The following PCDHA11 variants were observed in gnomAD, a reference collection of about 807,000 sequenced individuals.
PCDHA11 encodes protocadherin alpha 11.
In PCDHA11, 61 loss-of-function variants were observed where a neutral mutation model predicts 70.3. That is an observed-to-expected ratio of 0.87 (90% CI 0.71 to 1.07). The LOEUF (loss-of-function observed/expected upper bound fraction) is 1.07. Among genes scored for constraint, PCDHA11 ranks in the 50% least tolerant of loss-of-function variants. The pLI is 0.00. For missense variants in PCDHA11, 1,324 were observed against 1,237.5 expected (o/e 1.07, Z -1.05); for synonymous variants, 633 against 555.1 (o/e 1.14, Z -1.97).
chr5:140,977,324 C>T (rs1035502087), intron 1 of PCDHA11, among the ~76,000 whole-genome samples: 5 of 152,102 alleles, frequency 3.3e-5, no homozygotes, highest in Non-Finnish European at 4.4e-5. Context: ...CTCCTGATGG[C>T]GAGGGGAGAG....
At chr5:141,006,993 T>A (rs1484865636) in intron 3 of PCDHA11, among the ~76,000 whole-genome samples, 5 of 152,290 alleles carry the variant, frequency 3.3e-5, no homozygotes, top group African/African-American at 4.8e-5. Flanking sequence ...GCTTAAAATA[T>A]AAGTCTGCAT....
At chr5:140,948,868 G>A (rs191976148) in intron 1 of PCDHA11, among the ~76,000 whole-genome samples, 20 of 151,330 alleles carry the variant, frequency 1.3e-4, no homozygotes, top group African/African-American at 4.8e-4. Context: ...ATTACTTCGG[G>A]TTTACTTTGC....
intron 1 of PCDHA11, chr5:140,966,383 C>T: frequency 2.5e-6 from 1 of 405,022 alleles, no homozygotes; most frequent in East Asian, 3.6e-5. Context: ...TCCGGGTTCG[C>T]TGTCCGCCAC....
rs782212784 is a variant in PCDHA11 at position 140,883,583 on chromosome 5, G to A, written c.2391+12089G>A. ...GGGCTCGCCTTCGCTGTGGGCCACGGCCAGCGTGTCGGTGGGGGTGGCCGA... is the reference window on the plus strand; with the variant it reads ...GGGCTCGCCTTCGCTGTGGGCCACGACCAGCGTGTCGGTGGGGGTGGCCGA... On this transcript the variant is annotated intron_variant, in intron 1 of 3. Coordinates refer to ENST00000398640, the MANE Select transcript of PCDHA11 (RefSeq NM_018902.5). The A allele has an allele frequency of 1.9e-5, 31 of 1,613,916 alleles. No individual in the cohort carries two copies. The African/African-American group carries it at 3.7e-4, about 19-fold the overall frequency.
chr5:140,996,293 A>T (rs1481852263), intron 3 of PCDHA11, among the ~76,000 whole-genome samples: 1 of 152,264 alleles, frequency 6.6e-6, no homozygotes, highest in African/African-American at 2.4e-5. Context: ...CAAGAAGCAC[A>T]GATTGTAACA....
intron 1 of PCDHA11, among the ~76,000 whole-genome samples, chr5:140,933,589 G>T (rs1369666636): frequency 8.6e-5 from 13 of 152,012 alleles, no homozygotes; most frequent in Non-Finnish European, 2.9e-5. Context: ...GGGTTTTTAG[G>T]TTGATTTGTC....
At chr5:140,967,066 C>A (rs782715200) in intron 1 of PCDHA11, 2 of 1,612,908 alleles carry the variant, frequency 1.2e-6, no homozygotes, top group Non-Finnish European at 1.7e-6. Context: ...GAGCGCTCTT[C>A]GTCAACGAGC....
At chr5:140,881,075 G>A (rs2058577107) in intron 1 of PCDHA11, among the ~76,000 whole-genome samples, 1 of 152,202 alleles carries the variant, frequency 6.6e-6, no homozygotes, top group African/African-American at 2.4e-5. Context: ...AATTATTGGA[G>A]CTATGATATA....
intron 1 of PCDHA11, among the ~76,000 whole-genome samples, chr5:140,938,952 C>G (rs1036829091): frequency 4.6e-5 from 7 of 152,104 alleles, no homozygotes; most frequent in South Asian, 2.1e-4. Flanking sequence ...TTATAATGCT[C>G]TAGTCGGAGT....
chr5:140,887,286 T>TG (rs1171397329), intron 1 of PCDHA11, among the ~76,000 whole-genome samples: 1 of 151,952 alleles, frequency 6.6e-6, no homozygotes, highest in Non-Finnish European at 1.5e-5. Context: ...TTAGTAGAGA[T>TG]GGGGTTTCAT....
chr5:140,915,488 C>T (rs2077146969), intron 1 of PCDHA11, among the ~76,000 whole-genome samples: 1 of 152,126 alleles, frequency 6.6e-6, no homozygotes, highest in Non-Finnish European at 1.5e-5. Flanking sequence ...GGGCCTCAAT[C>T]CCAATAATAC....
chr5:140,884,385 C>T (rs1554181508), intron 1 of PCDHA11: 1 of 1,613,992 alleles, frequency 6.2e-7, no homozygotes, highest in Non-Finnish European at 8.5e-7. Context: ...GCCATCTGCG[C>T]GGTGTCCAGC....
At chr5:140,948,979 G>T (rs2094330965) in intron 1 of PCDHA11, among the ~76,000 whole-genome samples, 1 of 151,514 alleles carries the variant, frequency 6.6e-6, no homozygotes, top group South Asian at 2.1e-4. Flanking sequence ...AGTATGAACT[G>T]CTTTATTTGC....
chr5:140,882,485 G>C, intron 1 of PCDHA11: 3 of 1,614,106 alleles, frequency 1.9e-6, no homozygotes, highest in Non-Finnish European at 2.5e-6. Flanking sequence ...AAGACACGGG[G>C]ACCTTCTGGA....
chr5:140,969,149 G>C (rs782510891), intron 1 of PCDHA11: 3 of 1,614,120 alleles, frequency 1.9e-6, no homozygotes, highest in South Asian at 1.1e-5. Context: ...CTGCTACAAG[G>C]CCTGTCTGAC....
At position 140,870,153 on chromosome 5, in the gene PCDHA11, CG is replaced by C. The variant is rs1562639258; in HGVS notation, c.1051del (p.Val351Ter). On this transcript the variant is annotated frameshift_variant, in exon 1 of 4. Transcript: ENST00000398640. LOFTEE classifies it high-confidence loss of function. Reference sequence around the variant, plus strand: ...CCAACGATAACTCTCCTGAAGTCGCCGTGACTTCCTTGTCCCTCCCAGTACG... The same window carrying C: ...CCAACGATAACTCTCCTGAAGTCGCCTGACTTCCTTGTCCCTCCCAGTACG... ...DTNDNSPEVA[V>X]TSLSLPVRED... is the part of the protein sequence containing the mutation. 1.2e-6 allele frequency: 2 copies of C among 1,614,088 alleles called. No homozygotes were observed. The highest frequency in any genetic ancestry group is 2.2e-5 in the South Asian group (2 of 91,076).
At chr5:140,949,263 C>G (rs1210516513) in intron 1 of PCDHA11, among the ~76,000 whole-genome samples, 1 of 151,714 alleles carries the variant, frequency 6.6e-6, no homozygotes, top group Non-Finnish European at 1.5e-5. Context: ...GAACATATCA[C>G]GTGCACTTGA....
chr5:140,913,036 A>G (rs2076178944), intron 1 of PCDHA11, among the ~76,000 whole-genome samples: 3 of 152,190 alleles, frequency 2.0e-5, no homozygotes, highest in African/African-American at 7.2e-5. Context: ...CATCAGATAT[A>G]TTGGCCTGGA....
chr5:140,976,171 A>T (rs1356953697), intron 1 of PCDHA11, among the ~76,000 whole-genome samples: 1 of 152,218 alleles, frequency 6.6e-6, no homozygotes, highest in African/African-American at 2.4e-5. Flanking sequence ...TTAGTTTTGT[A>T]TTGTTTTAAA....
Sources: gnomAD v4.1 joint callset for allele counts (sites outside exome capture counted in the v4.1 genomes callset) on GRCh38, gnomAD v4.1.1 for gene constraint, MANE v1.5 for transcripts, NCBI Gene and HGNC (gene_info 2026-07-23, HGNC 2026-07-21) for gene names.